Variants in LRFN2 observed in about 807,000 individuals in gnomAD.
LRFN2 encodes leucine-rich repeat and fibronectin type-III domain-containing protein 2.
Under a neutral mutation model 37.3 loss-of-function variants are expected in LRFN2, and 18 were observed. The observed-to-expected ratio is 0.48, with a 90% CI of 0.33 to 0.72. The LOEUF (loss-of-function observed/expected upper bound fraction) is 0.72. Among genes scored for constraint, LRFN2 ranks in the 30% least tolerant of loss-of-function variants. The pLI, the probability that LRFN2 is intolerant of heterozygous loss-of-function variation, is 0.02. For synonymous variants in LRFN2, 556 were observed against 466.6 expected (o/e 1.19, Z -2.47); for missense variants, 1,006 against 1,060.7 (o/e 0.95, Z 0.72).
intron 1 of LRFN2, among the ~76,000 whole-genome samples, chr6:40,441,181 C>T (rs1222037726): frequency 1.3e-5 from 2 of 152,178 alleles, no homozygotes; most frequent in African/African-American, 4.8e-5. Flanking sequence ...TATTCACGAC[C>T]TGGGCTGTGC....
chr6:40,561,225 C>T (rs1375931501), intron 1 of LRFN2, among the ~76,000 whole-genome samples: 3 of 152,184 alleles, frequency 2.0e-5, no homozygotes, highest in African/African-American at 4.8e-5. Flanking sequence ...TGGTCCCCTA[C>T]CTTCAGGGGA....
intron 2 of LRFN2, among the ~76,000 whole-genome samples, chr6:40,412,850 GA>G (rs1272890911): frequency 6.6e-6 from 1 of 152,118 alleles, no homozygotes; most frequent in East Asian, 1.9e-4. Flanking sequence ...CTGTGCTAAG[GA>G]AAAAAGAACA....
Position 40,432,104 on chromosome 6 carries a change from G to A in LRFN2, c.1010C>T (p.Ala337Val). The A allele has an allele frequency of 1.9e-6, 3 of 1,614,014 alleles. No homozygotes were observed. The highest frequency in any genetic ancestry group is 1.1e-5 in the South Asian group (1 of 91,084). The change falls in exon 2 of 3, where the codon GCT becomes GTT. Residue 337 changes from alanine to valine, a missense_variant. Coordinates refer to ENST00000338305, the MANE Select transcript of LRFN2 (RefSeq NM_020737.3). Reference sequence around the variant, plus strand: ...GTCCAGGGTGCCATTGTCATAGACAGCGGTCCTTGAGGAGTTCCCTACCAG... The same window carrying A: ...GTCCAGGGTGCCATTGTCATAGACAACGGTCCTTGAGGAGTTCCCTACCAG... Reference protein sequence around the residue: ...DRLVGNSSRTAVYDNGTLDIF... With the variant: ...DRLVGNSSRTVVYDNGTLDIF...
chr6:40,442,706 A>G (rs1763867756), intron 1 of LRFN2, among the ~76,000 whole-genome samples: 1 of 152,122 alleles, frequency 6.6e-6, no homozygotes, highest in Non-Finnish European at 1.5e-5. Flanking sequence ...TATACCAAGG[A>G]TAAGCCCAAA....
At chr6:40,435,484 A>G (rs1763645322) in intron 1 of LRFN2, among the ~76,000 whole-genome samples, 1 of 152,098 alleles carries the variant, frequency 6.6e-6, no homozygotes, top group Non-Finnish European at 1.5e-5. Flanking sequence ...GTAGAGCTCT[A>G]TAACTCCCAG....
chr6:40,470,484 C>G (rs938990281), intron 1 of LRFN2, among the ~76,000 whole-genome samples: 1 of 152,114 alleles, frequency 6.6e-6, no homozygotes, highest in Non-Finnish European at 1.5e-5. Context: ...GTGGCATGCA[C>G]CTGTAGTCCC....
At chr6:40,551,006 G>C (rs1282024084) in intron 1 of LRFN2, among the ~76,000 whole-genome samples, 1 of 152,216 alleles carries the variant, frequency 6.6e-6, no homozygotes, top group Admixed American at 6.5e-5. Flanking sequence ...GCCTTCAAGA[G>C]ATGCGTCATA....
intron 2 of LRFN2, among the ~76,000 whole-genome samples, chr6:40,407,258 A>AT (rs1762866497): frequency 6.6e-6 from 1 of 152,166 alleles, no homozygotes; most frequent in Non-Finnish European, 1.5e-5. Context: ...ATTGTATTTA[A>AT]TTGTCCTTAG....
intron 1 of LRFN2, among the ~76,000 whole-genome samples, chr6:40,535,424 G>A (rs1050217131): frequency 6.6e-6 from 1 of 152,186 alleles, no homozygotes; most frequent in Non-Finnish European, 1.5e-5. Flanking sequence ...GAATTCCAAA[G>A]AGAAGGGAAG....
intron 1 of LRFN2, among the ~76,000 whole-genome samples, chr6:40,568,973 C>G (rs1561911045): frequency 6.6e-6 from 1 of 152,134 alleles, no homozygotes; most frequent in East Asian, 1.9e-4. Flanking sequence ...CCCAAGACCA[C>G]ACAGAACCAG....
At chr6:40,476,218 C>A (rs1764706311) in intron 1 of LRFN2, among the ~76,000 whole-genome samples, 1 of 152,184 alleles carries the variant, frequency 6.6e-6, no homozygotes, top group Admixed American at 6.5e-5. Context: ...GTATGAAGGC[C>A]TTTTCCCCCT....
chr6:40,404,271 T>G (rs1013612063), intron 2 of LRFN2, among the ~76,000 whole-genome samples: 1 of 152,218 alleles, frequency 6.6e-6, no homozygotes, highest in Admixed American at 6.5e-5. Flanking sequence ...CAGAGTTTGT[T>G]TGGGTTGTTT....
chr6:40,475,019 C>T (rs961164497), intron 1 of LRFN2, among the ~76,000 whole-genome samples: 6 of 152,202 alleles, frequency 3.9e-5, no homozygotes, highest in Non-Finnish European at 7.3e-5. Flanking sequence ...CCCAGCCACA[C>T]TCACTCTTAT....
intron 1 of LRFN2, among the ~76,000 whole-genome samples, chr6:40,444,085 T>C (rs947406284): frequency 2.0e-5 from 3 of 152,188 alleles, no homozygotes; most frequent in African/African-American, 7.2e-5. Flanking sequence ...GAAACTTGCA[T>C]GTAGTTGCCC....
chr6:40,477,769 T>C (rs950369160), intron 1 of LRFN2, among the ~76,000 whole-genome samples: 2 of 152,154 alleles, frequency 1.3e-5, no homozygotes, highest in Non-Finnish European at 2.9e-5. Context: ...CCCTCCCTGC[T>C]CCTTCCAGAG....
intron 2 of LRFN2, among the ~76,000 whole-genome samples, chr6:40,407,599 A>C (rs534147007): frequency 3.7e-4 from 56 of 152,250 alleles, no homozygotes; most frequent in Non-Finnish European, 7.1e-4. Flanking sequence ...CTTGTTCAAC[A>C]ACAACTCATC....
In LRFN2 at chr6:40,482,869, G is replaced by T. The variant is rs558594870; in HGVS notation, c.-18-49738C>A. Among the ~76,000 whole-genome samples the T allele has an allele frequency of 5.3e-5, 8 of 152,320 alleles. No individual in the cohort carries two copies. In the South Asian group the frequency reaches 1.7e-3, roughly 32 times the overall value. On this transcript the variant is annotated intron_variant, in intron 1 of 2. Transcript: ENST00000338305. ...AGATAAGTGACAGTAATGGGCTCCC[G>T]GGTGGTGCAGGCCTGCCAAGGACTC...
intron 1 of LRFN2, among the ~76,000 whole-genome samples, chr6:40,569,793 C>A (rs757469954): frequency 6.6e-6 from 1 of 152,150 alleles, no homozygotes; most frequent in Non-Finnish European, 1.5e-5. Flanking sequence ...CAAATTGGAC[C>A]ATGTCATTCT....
intron 1 of LRFN2, among the ~76,000 whole-genome samples, chr6:40,497,145 G>A (rs1765247603): frequency 6.6e-6 from 1 of 152,130 alleles, no homozygotes; most frequent in African/African-American, 2.4e-5. Flanking sequence ...AGCCATTTCT[G>A]ACTGCCCACC....
Sources: allele counts gnomAD v4.1 joint callset (sites outside exome capture counted in the v4.1 genomes callset), GRCh38; gene constraint gnomAD v4.1.1; transcripts MANE v1.5; gene names NCBI Gene and HGNC (gene_info 2026-07-23, HGNC 2026-07-21).